RBFOX1: variants seen among roughly 807,000 people sequenced by gnomAD.
The protein encoded by RBFOX1 is RNA binding protein fox-1 homolog 1.
Under a neutral mutation model 57.7 loss-of-function variants are expected in RBFOX1, and 8 were observed. The ratio of observed to expected loss-of-function variants is 0.14; its 90% CI spans 0.08 to 0.25. RBFOX1 has a LOEUF of 0.25. Ranked by LOEUF, RBFOX1 falls within the 10% of genes least tolerant of loss-of-function variation. The pLI is 1.00. For synonymous variants in RBFOX1, 326 were observed against 222.4 expected (o/e 1.47, Z -4.15); for missense variants, 611 against 548.5 (o/e 1.11, Z -1.14).
intron 2 of RBFOX1, among the ~76,000 whole-genome samples, chr16:6,329,812 C>CAATAG (rs369767324): frequency 2.6e-5 from 4 of 152,110 alleles, no homozygotes; most frequent in African/African-American, 9.7e-5. Flanking sequence ...GTGTCACACA[C>CAATAG]CTGTAATTCC....
chr16:7,707,316 A>G (rs1465760576), intron 14 of RBFOX1, among the ~76,000 whole-genome samples: 1 of 152,134 alleles, frequency 6.6e-6, no homozygotes, highest in Non-Finnish European at 1.5e-5. Flanking sequence ...CTCAGACTCC[A>G]TGGTGTGAGG....
intron 4 of RBFOX1, among the ~76,000 whole-genome samples, chr16:7,491,440 A>G (rs372621842): frequency 2.5e-5 from 3 of 121,126 alleles, no homozygotes; most frequent in African/African-American, 5.3e-5. Flanking sequence ...CTGGGAAGGC[A>G]GGACTAGACA....
chr16:6,645,117 G>A (rs1333348011), intron 2 of RBFOX1, among the ~76,000 whole-genome samples: 1 of 152,146 alleles, frequency 6.6e-6, no homozygotes, highest in Non-Finnish European at 1.5e-5. Context: ...ATGACTTGTA[G>A]CAGCATCTCT....
intron 4 of RBFOX1, chr16:7,304,317 C>T: frequency 4.1e-6 from 4 of 984,540 alleles, no homozygotes; most frequent in Non-Finnish European, 4.8e-6. Flanking sequence ...AATTGTAGCG[C>T]CCAGGCAGAG....
At chr16:6,859,468 A>C (rs570709899) in intron 3 of RBFOX1, among the ~76,000 whole-genome samples, 97 of 152,114 alleles carry the variant, frequency 6.4e-4, no homozygotes, top group African/African-American at 2.3e-3. Context: ...GCAGAAGAAC[A>C]GTTGCTCACT....
intron 1 of RBFOX1, among the ~76,000 whole-genome samples, chr16:6,130,376 T>C (rs1476564088): frequency 2.6e-5 from 4 of 152,068 alleles, no homozygotes; most frequent in Middle Eastern, 3.2e-3. Context: ...TATCCTACCA[T>C]GCCTAAAAAT....
chr16:5,602,496 A>G (rs1269768844), downstream of RBFOX1, among the ~76,000 whole-genome samples: 1 of 152,182 alleles, frequency 6.6e-6, no homozygotes, highest in African/African-American at 2.4e-5. Flanking sequence ...GTGAGGATTT[A>G]TGTTTATTGA....
intron 2 of RBFOX1, among the ~76,000 whole-genome samples, chr16:5,476,455 A>C (rs1359879920): frequency 6.6e-6 from 1 of 152,200 alleles, no homozygotes; most frequent in East Asian, 1.9e-4. Context: ...CTTAATTGAC[A>C]TAGTTTTAAT....
chr16:7,255,931 T>C (rs1462170823), intron 4 of RBFOX1, among the ~76,000 whole-genome samples: 1 of 152,200 alleles, frequency 6.6e-6, no homozygotes. Flanking sequence ...AGAGGAAATA[T>C]AATAAGATCA....
intron 3 of RBFOX1, among the ~76,000 whole-genome samples, chr16:5,809,540 A>G (rs1454260302): frequency 6.6e-6 from 1 of 152,274 alleles, no homozygotes; most frequent in African/African-American, 2.4e-5. Context: ...TCTCAAAAGA[A>G]GACATTTATG....
chr16:7,220,100 A>G (rs1313639956), intron 4 of RBFOX1, among the ~76,000 whole-genome samples: 1 of 152,210 alleles, frequency 6.6e-6, no homozygotes, highest in Non-Finnish European at 1.5e-5. Context: ...GTATCAGACC[A>G]AACAAAATTC....
intron 4 of RBFOX1, among the ~76,000 whole-genome samples, chr16:5,999,808 C>G (rs2060557572): frequency 8.1e-6 from 1 of 123,148 alleles, no homozygotes. Context: ...TTGTGGTGAG[C>G]AGAGATCGCA....
chr16:7,297,113 A>G (rs1393982180), intron 4 of RBFOX1, among the ~76,000 whole-genome samples: 1 of 152,166 alleles, frequency 6.6e-6, no homozygotes, highest in African/African-American at 2.4e-5. Context: ...AAGGGAGAAG[A>G]CACTGTCTGT....
chr16:7,638,844 C>T (rs1418917635), intron 11 of RBFOX1, among the ~76,000 whole-genome samples: 2 of 152,148 alleles, frequency 1.3e-5, no homozygotes, highest in Non-Finnish European at 2.9e-5. Flanking sequence ...GTTTACCCAT[C>T]TCTTTGTCAG....
At chr16:6,719,485 G>A (rs2065505552) in intron 3 of RBFOX1, among the ~76,000 whole-genome samples, 1 of 151,324 alleles carries the variant, frequency 6.6e-6, no homozygotes, top group Non-Finnish European at 1.5e-5. Flanking sequence ...CTGTCACCCA[G>A]GATGGGGTGC....
At chr16:6,887,529 A>G (rs533414935) in intron 3 of RBFOX1, among the ~76,000 whole-genome samples, 11 of 151,916 alleles carry the variant, frequency 7.2e-5, no homozygotes, top group East Asian at 1.9e-4. Flanking sequence ...TGATTTCCCT[A>G]TATCTGTTTA....
intron 1 of RBFOX1, among the ~76,000 whole-genome samples, chr16:5,331,620 C>G (rs1484226704): frequency 6.6e-6 from 1 of 152,188 alleles, no homozygotes; most frequent in Admixed American, 6.5e-5. Flanking sequence ...AGTCACATGG[C>G]CAAACAAAAA....
At chr16:6,307,604 A>G (rs150123976) in intron 1 of RBFOX1, among the ~76,000 whole-genome samples, 3 of 148,218 alleles carry the variant, frequency 2.0e-5, no homozygotes, top group African/African-American at 7.3e-5. Context: ...ACAATCTGAT[A>G]CATAATGAGT....
intron 1 of RBFOX1, among the ~76,000 whole-genome samples, chr16:6,306,500 A>C (rs2079533809): frequency 6.6e-6 from 1 of 152,234 alleles, no homozygotes; most frequent in Admixed American, 6.5e-5. Context: ...TGATTTCTTC[A>C]TGGATGAAAT....
Sources: allele counts gnomAD v4.1 joint callset (sites outside exome capture counted in the v4.1 genomes callset), GRCh38; gene constraint gnomAD v4.1.1; transcripts MANE v1.5; gene names NCBI Gene and HGNC (gene_info 2026-07-23, HGNC 2026-07-21).